USP5: variants seen among roughly 807,000 people sequenced by gnomAD.
USP5 encodes ubiquitin specific peptidase 5, also known as ubiquitin carboxyl-terminal hydrolase 5.
In USP5, 24 loss-of-function variants were observed where a neutral mutation model predicts 102.5. The ratio of observed to expected loss-of-function variants is 0.23; its 90% CI spans 0.17 to 0.33. The LOEUF is 0.33. Among genes scored for constraint, USP5 ranks in the 10% least tolerant of loss-of-function variants. USP5 has a pLI of 1.00. For missense variants in USP5, 753 were observed against 1,122.1 expected (o/e 0.67, Z 4.70); for synonymous variants, 460 against 434.8 (o/e 1.06, Z -0.72).
chr12:6,854,933 A>G (rs1944063424), intron 1 of USP5, among the ~76,000 whole-genome samples: 1 of 152,132 alleles, frequency 6.6e-6, no homozygotes, highest in African/African-American at 2.4e-5. Flanking sequence ...AGTGTCTCAC[A>G]TGAAAGTCTT....
intron 1 of USP5, among the ~76,000 whole-genome samples, chr12:6,853,241 C>T (rs1555127436): frequency 6.6e-6 from 1 of 152,214 alleles, no homozygotes; most frequent in East Asian, 1.9e-4. Flanking sequence ...TGTATTCTGC[C>T]AGAACCAGCT....
chr12:6,852,418 C>T (rs782306188), intron 1 of USP5, 128 bp downstream of exon 1: 6 of 964,606 alleles, frequency 6.2e-6, no homozygotes, highest in Non-Finnish European at 9.2e-6. Flanking sequence ...GTCTCCCACG[C>T]TCCACTCTGC....
intron 1 of USP5, among the ~76,000 whole-genome samples, chr12:6,853,663 A>C (rs1313867687): frequency 6.6e-6 from 1 of 152,184 alleles, no homozygotes. Context: ...GAATAATCCA[A>C]AAAGGGTTTT....
rs1555130533 is a variant in USP5 at position 6,865,156 on chromosome 12, T to C, written c.2399-8T>C. On this transcript the variant is annotated splice_region_variant and splice_polypyrimidine_tract_variant and intron_variant, in intron 18 of 19. Transcript: ENST00000229268. ...TTTCCTTCTCTGACCCCCTCTCTCC[T>C]TTCCTAGAGTATCAGCTCTTTGCCT... 2 of 1,610,688 alleles carry C rather than the reference T, an allele frequency of 1.2e-6. No homozygotes were observed. Among genetic ancestry groups the C allele is most frequent in the Non-Finnish European group, 8.5e-7 (1 of 1,176,984 alleles).
rs1275347225 is a variant in USP5, at chr12:6,860,267, C to T, written c.1218+29C>T. 3 of 1,610,700 alleles carry T rather than the reference C, an allele frequency of 1.9e-6. No homozygotes were observed. The highest frequency in any genetic ancestry group is 3.4e-5 in the Admixed American group (2 of 59,624). On this transcript the variant is annotated intron_variant, in intron 10 of 19. Transcript: ENST00000229268. This position sits in a 1 kb window ranked among gnomAD's most constrained non-coding sequence, Gnocchi z 5.5. ...CGTCTAGGACCCTGTCCCTTTCAGG[C>T]CCTGGGATTGTGGGGAAGCTGAGGT...
chr12:6,860,176 T>C lies in USP5; in HGVS notation c.1156T>C (p.Ser386Pro). 1 of 1,606,978 alleles carries C rather than the reference T, an allele frequency of 6.2e-7. No individual in the cohort carries two copies. The highest frequency in any genetic ancestry group is 2.2e-5 in the East Asian group (1 of 44,866). ...GGCCAAGCTGGGCCATGGCCTTCTC[T>C]CCGGGGAGTATTCCAAGCCAGTACC... ...QVAKLGHGLL[S>P]GEYSKPVPES... The change falls in exon 10 of 20, where the codon TCC becomes CCC. Residue 386 changes from serine (S) to proline (P), a missense_variant. By Grantham distance (74) the Ser-to-Pro change is moderately conservative. Coordinates refer to ENST00000229268, the MANE Select transcript of USP5 (RefSeq NM_001098536.2). The surrounding 1 kb of genome is among the most constrained non-coding windows in gnomAD (Gnocchi z 5.5).
In USP5 at chr12:6,860,258, C is replaced by A. The variant is rs369075638; in HGVS notation, c.1218+20C>A. ...CAGAAGGTGCGTCTAGGACCCTGTC[C>A]CTTTCAGGCCCTGGGATTGTGGGGA... is the stretch of plus-strand genomic sequence containing the variant. On this transcript the variant is annotated intron_variant, in intron 10 of 19. Transcript: ENST00000229268. This position sits in a 1 kb window ranked among gnomAD's most constrained non-coding sequence, Gnocchi z 5.5. 6.8e-6 allele frequency: 11 copies of A among 1,610,662 alleles called. No individual in the cohort carries two copies. The highest frequency in any genetic ancestry group is 5.4e-5 in the African/African-American group (4 of 74,674).
intron 1 of USP5, 32 bp downstream of exon 1, chr12:6,852,322 CGA>C: frequency 1.1e-5 from 18 of 1,578,166 alleles, no homozygotes; most frequent in Non-Finnish European, 1.5e-5. Flanking sequence ...GCAACGAGCA[CGA>C]CTTCCTTCCA....
chr12:6,858,857 T>TA lies in USP5; in HGVS notation c.1058+252dup, dbSNP rs113208756. 9,898 of 319,166 alleles carry TA rather than the reference T, an allele frequency of 0.031. 128 individuals are homozygous for TA. The highest frequency in any genetic ancestry group is 0.08 in the African/African-American group (3,730 of 46,402). 19.8% of individuals were successfully genotyped at this position (319,166 alleles called of 1,614,324 possible). ...AACATAGCGAGACCCTGTCTTCTCT[T>TA]AAAAAAAAAAAAGAATAATTCCTGT... is the stretch of plus-strand genomic sequence containing the variant. On this transcript the variant is annotated intron_variant, in intron 8 of 19. Transcript: ENST00000229268. This position sits in a 1 kb window ranked among gnomAD's most constrained non-coding sequence, Gnocchi z 4.2.
At chr12:6,857,078 G>T (rs782601425) in intron 6 of USP5, among the ~76,000 whole-genome samples, 187 bp downstream of exon 6, 1 of 152,056 alleles carries the variant, frequency 6.6e-6, no homozygotes, top group Non-Finnish European at 1.5e-5. Context: ...TTGAGCCTAG[G>T]AGTTCGAGAC....
Position 6,864,147 on chromosome 12 carries a change from C to A in USP5, c.2196C>A (p.Val732=), listed in dbSNP as rs781834108. Residue 732 remains valine (V), a synonymous_variant, in exon 17 of 20, where the codon GTC becomes GTA. Coordinates refer to ENST00000229268, the MANE Select transcript of USP5 (RefSeq NM_001098536.2). This position sits in a 1 kb window ranked among gnomAD's most constrained non-coding sequence, Gnocchi z 4.8. ...CTGAGGACTGTGTGACCACCATTGT[C>A]TCCATGGGCTTCTCCCGGGACCAGG... The part of the protein sequence containing the change: ...PPPEDCVTTI[V]SMGFSRDQAL... 4 of 1,613,932 alleles carry A rather than the reference C, an allele frequency of 2.5e-6. No individual in the cohort carries two copies. Among genetic ancestry groups the A allele is most frequent in the Non-Finnish European group, 3.4e-6 (4 of 1,179,876 alleles).
chr12:6,856,219 A>G lies in USP5; in HGVS notation c.438+69A>G, dbSNP rs1286843690. On this transcript the variant is annotated intron_variant, in intron 4 of 19. Transcript: ENST00000229268. The surrounding 1 kb of genome is among the most constrained non-coding windows in gnomAD (Gnocchi z 5.6). ...GGCCAGGGTAGTGGTGTCTTAGGCA[A>G]GCACTGACAAAGCTGAAGGCCAAGG... The G allele has an allele frequency of 6.2e-6, 10 of 1,607,724 alleles. No homozygotes were observed. The highest frequency in any genetic ancestry group is 8.5e-7 in the Non-Finnish European group (1 of 1,175,714).
chr12:6,859,408 C>T (rs1465158671), intron 8 of USP5, 62 bp from the exon 9 acceptor site: 2 of 1,538,802 alleles, frequency 1.3e-6, no homozygotes, highest in East Asian at 2.2e-5. Context: ...ATGTTTGCTT[C>T]CTTCCCTTTT....
rs1555128184 is a variant in USP5 at position 6,856,120 on chromosome 12, G to A, written c.408G>A (p.Leu136=). 1.9e-6 allele frequency: 3 copies of A among 1,614,156 alleles called. No homozygotes were observed. Among genetic ancestry groups the A allele is most frequent in the Admixed American group, 1.7e-5 (1 of 60,026 alleles). Residue 136 remains leucine (L), a synonymous_variant, in exon 4 of 20, where the codon CTG becomes CTA. Coordinates refer to ENST00000229268, the MANE Select transcript of USP5 (RefSeq NM_001098536.2). This position sits in a 1 kb window ranked among gnomAD's most constrained non-coding sequence, Gnocchi z 5.6. ...PDYLEIARDG[L]GGLPDIVRDR... is the part of the protein sequence containing the mutation. ...ACCTGGAGATTGCCCGGGATGGACT[G>A]GGGGGACTGCCTGACATTGTCAGAG...
chr12:6,862,015 C>G (rs1249377754), intron 13 of USP5, among the ~76,000 whole-genome samples: 2 of 151,798 alleles, frequency 1.3e-5, no homozygotes, highest in Non-Finnish European at 2.9e-5. Context: ...GGGCTTTGGT[C>G]TCGGGGAGTC....
Position 6,865,975 on chromosome 12 carries a change from C to T in USP5, c.2484-9C>T. The T allele has an allele frequency of 6.2e-7, 1 of 1,613,804 alleles. No homozygotes were observed. The highest frequency in any genetic ancestry group is 8.5e-7 in the Non-Finnish European group (1 of 1,179,710). On this transcript the variant is annotated splice_polypyrimidine_tract_variant and intron_variant, in intron 19 of 19. Coordinates refer to ENST00000229268, the MANE Select transcript of USP5 (RefSeq NM_001098536.2). ...TGTTCATCCTTTTCTGTTTTCCCCA[C>T]TTCCCCAGATGGGTGATCTACAATG...
chr12:6,855,638 G>GCTTTA lies in USP5; in HGVS notation c.237+112_237+113insCTTTA. Reference sequence around the variant, plus strand: ...TTTTGTGTCATTAAAGCTTGGCACAGATGTTTTTTAGCTTTATTCCGTTCT... The same window carrying GCTTTA: ...TTTTGTGTCATTAAAGCTTGGCACAGCTTTAATGTTTTTTAGCTTTATTCCGTTCT... On this transcript the variant is annotated intron_variant, in intron 2 of 19. Coordinates refer to ENST00000229268, the MANE Select transcript of USP5 (RefSeq NM_001098536.2). The surrounding 1 kb of genome is among the most constrained non-coding windows in gnomAD (Gnocchi z 4.6). 6.3e-7 allele frequency: 1 copy of GCTTTA among 1,585,870 alleles called. No individual in the cohort carries two copies. Among genetic ancestry groups the GCTTTA allele is most frequent in the East Asian group, 2.2e-5 (1 of 44,628 alleles).
In USP5 at chr12:6,863,970, C is replaced by A; in HGVS notation, c.2095C>A (p.Pro699Thr). ...CTGGGTCATGTCACACATGGATGAT[C>A]CAGGTAGGCTGGGGTGGGGAGCAGG... ...MNWVMSHMDD[P>T]DFANPLILPG... The change falls in exon 16 of 20, where the codon CCA (proline) becomes ACA (threonine). Residue 699 changes from proline to threonine, a missense_variant. This residue lies in a region of USP5 where 193 missense variants were observed against 230.2 expected (regional missense o/e 0.84). Coordinates refer to ENST00000229268, the MANE Select transcript of USP5 (RefSeq NM_001098536.2). The surrounding 1 kb of genome is among the most constrained non-coding windows in gnomAD (Gnocchi z 4.7). The A allele has an allele frequency of 6.3e-7, 1 of 1,591,912 alleles. No individual in the cohort carries two copies. The highest frequency in any genetic ancestry group is 8.6e-7 in the Non-Finnish European group (1 of 1,164,840).
chr12:6,855,259 T>C lies in USP5; in HGVS notation c.112-142T>C. On this transcript the variant is annotated intron_variant, in intron 1 of 19. Transcript: ENST00000229268. This position sits in a 1 kb window ranked among gnomAD's most constrained non-coding sequence, Gnocchi z 4.6. ...ATGTCCCAGGTCCTAAAAGGCTAAATAACTTGCCAAGGGCCACACAGTGTT... is the reference window on the plus strand; with the variant it reads ...ATGTCCCAGGTCCTAAAAGGCTAAACAACTTGCCAAGGGCCACACAGTGTT... 1 of 1,147,102 alleles carries C rather than the reference T, an allele frequency of 8.7e-7. No individual in the cohort carries two copies. The highest frequency in any genetic ancestry group is 1.6e-5 in the South Asian group (1 of 63,238). 71.1% of individuals were successfully genotyped at this position (1,147,102 alleles called of 1,614,324 possible). A position where few individuals can be genotyped will look rare whatever the true frequency, so the allele number is the denominator to read the frequency against.
Sources: allele counts gnomAD v4.1 joint callset (sites outside exome capture counted in the v4.1 genomes callset), GRCh38; gene constraint gnomAD v4.1.1; regional missense constraint gnomAD v4.1.1; non-coding constraint Gnocchi (gnomAD v3.1); transcripts MANE v1.5; gene names NCBI Gene and HGNC (gene_info 2026-07-23, HGNC 2026-07-21).